The following PPP1R14C variants were observed in gnomAD, a reference collection of about 807,000 sequenced individuals.
PPP1R14C encodes the protein protein phosphatase 1 regulatory subunit 14C.
In PPP1R14C, 16 loss-of-function variants were observed where a neutral mutation model predicts 20.4. The observed-to-expected ratio is 0.78, with a 90% CI of 0.53 to 1.19. The LOEUF is 1.19. PPP1R14C is among the 50% of genes most tolerant of loss of function. The pLI is 0.00. For missense variants in PPP1R14C, 211 were observed against 220.1 expected, an observed-to-expected ratio of 0.96 and a Z score of 0.26; for synonymous variants, 91 against 91.0, an observed-to-expected ratio of 1.00 and a Z score of 0.00.
At chr6:150,146,333 G>A (rs951479938) in intron 1 of PPP1R14C, among the ~76,000 whole-genome samples, 6 of 152,198 alleles carry the variant, frequency 3.9e-5, no homozygotes, top group East Asian at 1.9e-4. Flanking sequence ...TGTCTGTACC[G>A]TGCAAGAGAG....
chr6:150,219,966 G>A (rs7753001), intron 3 of PPP1R14C, among the ~76,000 whole-genome samples: 27,429 of 151,934 alleles, frequency 0.18, 3,095 homozygotes, highest in African/African-American at 0.32. Flanking sequence ...AGCGATGCTC[G>A]TGCCTCAGCC....
intron 1 of PPP1R14C, among the ~76,000 whole-genome samples, chr6:150,149,299 A>ATGTGTGTG (rs141854673): frequency 0.054 from 8,029 of 147,380 alleles, 258 homozygotes; most frequent in East Asian, 0.16. Flanking sequence ...CTCCATACAT[A>ATGTGTGTG]TGTGTGTGTG....
intron 1 of PPP1R14C, among the ~76,000 whole-genome samples, chr6:150,182,967 A>T (rs1562263478): frequency 6.6e-6 from 1 of 152,054 alleles, no homozygotes; most frequent in Non-Finnish European, 1.5e-5. Flanking sequence ...GCAATTGTAT[A>T]TCTAAACACA....
intron 3 of PPP1R14C, among the ~76,000 whole-genome samples, chr6:150,236,512 G>C (rs1172606522): frequency 1.3e-5 from 2 of 152,016 alleles, no homozygotes; most frequent in African/African-American, 2.4e-5. Flanking sequence ...TCCGTGAGAG[G>C]GTAAAACTTC....
At chr6:150,149,847 G>A (rs1389819954) in intron 1 of PPP1R14C, among the ~76,000 whole-genome samples, 1 of 152,110 alleles carries the variant, frequency 6.6e-6, no homozygotes, top group Non-Finnish European at 1.5e-5. Flanking sequence ...TAGGGTCAGG[G>A]GTGTTGGTGT....
At chr6:150,170,588 C>T (rs551574997) in intron 1 of PPP1R14C, among the ~76,000 whole-genome samples, 5 of 152,276 alleles carry the variant, frequency 3.3e-5, no homozygotes, top group African/African-American at 4.8e-5. Context: ...TCCCAAAGTG[C>T]TGGAATTACA....
intron 1 of PPP1R14C, among the ~76,000 whole-genome samples, chr6:150,209,759 GTA>G (rs907957465): frequency 7.3e-5 from 11 of 151,058 alleles, no homozygotes; most frequent in African/African-American, 2.7e-4. Flanking sequence ...GTGTATGTTT[GTA>G]TATATATTTG....
intron 3 of PPP1R14C, among the ~76,000 whole-genome samples, chr6:150,235,415 G>T (rs1228457756): frequency 6.6e-6 from 1 of 152,226 alleles, no homozygotes; most frequent in Non-Finnish European, 1.5e-5. Flanking sequence ...CATCTTGATA[G>T]TCATGGTGGT....
chr6:150,176,743 C>A (rs1321694635), intron 1 of PPP1R14C, among the ~76,000 whole-genome samples: 1 of 152,190 alleles, frequency 6.6e-6, no homozygotes, highest in Admixed American at 6.5e-5. Flanking sequence ...ATGAGTGAGG[C>A]CCAGGTAAGG....
intron 3 of PPP1R14C, among the ~76,000 whole-genome samples, chr6:150,248,028 C>T (rs1442005290): frequency 5.3e-5 from 8 of 152,074 alleles, no homozygotes; most frequent in African/African-American, 9.7e-5. Flanking sequence ...CTTTTTGCTG[C>T]GTCATGTCAT....
In PPP1R14C at chr6:150,249,372, C is replaced by T. The variant is rs1163986964; in HGVS notation, c.*552C>T. On this transcript the variant is annotated 3_prime_UTR_variant, in exon 4 of 4. Coordinates refer to ENST00000361131, the MANE Select transcript of PPP1R14C (RefSeq NM_030949.3). ...CATGTGTTTTCAAGAGGCCACTAGG[C>T]ATTCTTCACTGAGTGCTGCTGACTT... 1.0e-5 allele frequency: 4 copies of T among 398,810 alleles called. No individual in the cohort carries two copies. The allele number at this position is 398,810 out of a possible 1,614,324, so 24.7% of individuals were successfully genotyped here. A position where few individuals can be genotyped will look rare whatever the true frequency, so the allele number is the denominator to read the frequency against.
At chr6:150,247,413 A>C (rs1778505566) in intron 3 of PPP1R14C, among the ~76,000 whole-genome samples, 1 of 152,226 alleles carries the variant, frequency 6.6e-6, no homozygotes, top group Non-Finnish European at 1.5e-5. Flanking sequence ...AACATTTTAA[A>C]ACAGGAGGCA....
intron 1 of PPP1R14C, among the ~76,000 whole-genome samples, chr6:150,174,843 G>A (rs145345592): frequency 7.8e-4 from 119 of 151,888 alleles, no homozygotes; most frequent in African/African-American, 2.7e-3. Context: ...TCGCACGCCT[G>A]TAATCCCAGC....
intron 1 of PPP1R14C, among the ~76,000 whole-genome samples, chr6:150,152,196 C>T (rs1315714620): frequency 1.3e-5 from 2 of 151,298 alleles, no homozygotes; most frequent in East Asian, 1.9e-4. Flanking sequence ...ATTTAATCCT[C>T]GCAGTAACTC....
chr6:150,193,855 A>G (rs776697008), intron 1 of PPP1R14C, among the ~76,000 whole-genome samples: 1 of 152,142 alleles, frequency 6.6e-6, no homozygotes, highest in Non-Finnish European at 1.5e-5. Flanking sequence ...TTCAGCAGGC[A>G]TTTATTGAAT....
chr6:150,216,937 A>G, intron 3 of PPP1R14C, 81 bp downstream of exon 3: 2 of 1,147,974 alleles, frequency 1.7e-6, no homozygotes, highest in Non-Finnish European at 2.6e-6. Flanking sequence ...AGCAAACCAC[A>G]ATAAGTAGGT....
intron 1 of PPP1R14C, among the ~76,000 whole-genome samples, chr6:150,146,663 T>G (rs1283888877): frequency 6.6e-6 from 1 of 152,208 alleles, no homozygotes; most frequent in Non-Finnish European, 1.5e-5. Context: ...ATGATGCCTC[T>G]GCACACACCA....
intron 3 of PPP1R14C, among the ~76,000 whole-genome samples, chr6:150,235,025 G>T (rs1778341245): frequency 6.6e-6 from 1 of 152,094 alleles, no homozygotes; most frequent in Admixed American, 6.6e-5. Context: ...AGATTAACTG[G>T]GTTTGGGACC....
At chr6:150,144,996 TG>T (rs1243492115) in intron 1 of PPP1R14C, among the ~76,000 whole-genome samples, 3 of 151,914 alleles carry the variant, frequency 2.0e-5, no homozygotes, top group East Asian at 1.9e-4. Flanking sequence ...TATTTCATAC[TG>T]TTTTTTTTTT....
Sources: allele counts gnomAD v4.1 joint callset (sites outside exome capture counted in the v4.1 genomes callset), GRCh38; gene constraint gnomAD v4.1.1; transcripts MANE v1.5; gene names NCBI Gene and HGNC (gene_info 2026-07-23, HGNC 2026-07-21).